Variants in TLL2 observed in about 807,000 individuals in gnomAD.
TLL2 encodes the protein tolloid like 2.
In TLL2, 106 loss-of-function variants were observed where a neutral mutation model predicts 123.0. That is an observed-to-expected ratio of 0.86 (90% CI 0.74 to 1.01). The LOEUF (loss-of-function observed/expected upper bound fraction) is 1.01, where lower values mean the gene tolerates loss of function less well. Ranked by LOEUF, TLL2 falls within the 50% of genes least tolerant of loss-of-function variation. TLL2 has a pLI of 0.00. For synonymous variants in TLL2, 494 were observed against 516.8 expected (o/e 0.96, Z 0.60); for missense variants, 1,332 against 1,336.7 (o/e 1.00, Z 0.06).
At chr10:96,429,279 T>G (rs1846711855) in intron 4 of TLL2, among the ~76,000 whole-genome samples, 1 of 151,928 alleles carries the variant, frequency 6.6e-6, no homozygotes, top group South Asian at 2.1e-4. Flanking sequence ...TTAATTTGAT[T>G]ATGGTGATCG....
intron 1 of TLL2, among the ~76,000 whole-genome samples, chr10:96,494,659 G>A (rs571789949): frequency 2.5e-4 from 38 of 152,304 alleles, no homozygotes; most frequent in African/African-American, 8.2e-4. Flanking sequence ...CTGTATCTTG[G>A]GACATGAAGC....
chr10:96,377,729 A>G (rs965851930), intron 17 of TLL2, among the ~76,000 whole-genome samples: 8 of 152,224 alleles, frequency 5.3e-5, no homozygotes, highest in Non-Finnish European at 8.8e-5. Flanking sequence ...GGGAGGAAAC[A>G]GCTTCGAGGA....
intron 3 of TLL2, among the ~76,000 whole-genome samples, chr10:96,444,638 C>T (rs1206192399): frequency 6.6e-6 from 1 of 151,860 alleles, no homozygotes; most frequent in African/African-American, 2.4e-5. Flanking sequence ...GCATGCATAA[C>T]CTGGGAAAGC....
intron 2 of TLL2, among the ~76,000 whole-genome samples, chr10:96,470,850 A>G (rs1293744235): frequency 1.3e-5 from 2 of 152,222 alleles, no homozygotes; most frequent in Non-Finnish European, 2.9e-5. Flanking sequence ...TCTATAAAGC[A>G]TTTAGCCCAT....
At chr10:96,506,582 C>T (rs1201015291) in intron 1 of TLL2, among the ~76,000 whole-genome samples, 1 of 151,568 alleles carries the variant, frequency 6.6e-6, no homozygotes, top group Non-Finnish European at 1.5e-5. Context: ...GGGTAGGAGG[C>T]TCCCCAAGGG....
intron 1 of TLL2, among the ~76,000 whole-genome samples, chr10:96,482,186 C>A (rs915787316): frequency 2.5e-4 from 37 of 150,280 alleles, no homozygotes; most frequent in Non-Finnish European, 5.3e-4. Flanking sequence ...TGAACCCGGG[C>A]GGCGGAGCTT....
intron 1 of TLL2, among the ~76,000 whole-genome samples, chr10:96,503,364 C>T (rs1447955139): frequency 1.3e-5 from 2 of 152,146 alleles, no homozygotes; most frequent in Admixed American, 1.3e-4. Flanking sequence ...TCATTTAATC[C>T]TCAAACAAGA....
rs2134087061 is a variant in TLL2, at chr10:96,445,722, T to G, written c.364+369A>C. 2.0e-5 allele frequency among the ~76,000 whole-genome samples: 3 copies of G among 152,310 alleles called. No homozygotes were observed. In the Middle Eastern group the frequency reaches 0.01, roughly 518 times the overall value. On this transcript the variant is annotated intron_variant, in intron 3 of 20. Coordinates refer to ENST00000357947, the MANE Select transcript of TLL2 (RefSeq NM_012465.4). The stretch of plus-strand genomic sequence containing the variant: ...AGCAGAGTTTATCTGAGAGCTATGC[T>G]GTTCCTGACCACCAAATGCCGCCCT...
At chr10:96,452,892 C>T (rs1440514892) in intron 2 of TLL2, among the ~76,000 whole-genome samples, 1 of 152,202 alleles carries the variant, frequency 6.6e-6, no homozygotes, top group African/African-American at 2.4e-5. Flanking sequence ...CAGGAATGAA[C>T]AAGGCAATCG....
rs1053677243 is a variant in TLL2, at chr10:96,420,375, G to C, written c.923+581C>G. Among the ~76,000 whole-genome samples the C allele has an allele frequency of 2.6e-5, 4 of 152,342 alleles. No homozygotes were observed. The South Asian group carries it at 8.3e-4, about 32-fold the overall frequency. ...ATCAGAACAGACCCTGCCCATGCCAGCCATAAATAAACGGCCCAGCCCTAC... is the reference window on the plus strand; with the variant it reads ...ATCAGAACAGACCCTGCCCATGCCACCCATAAATAAACGGCCCAGCCCTAC... On this transcript the variant is annotated intron_variant, in intron 7 of 20. Transcript: ENST00000357947.
intron 1 of TLL2, among the ~76,000 whole-genome samples, chr10:96,480,815 A>C (rs541062956): frequency 3.2e-4 from 48 of 152,364 alleles, no homozygotes; most frequent in East Asian, 2.1e-3. Context: ...GAAGAAAACG[A>C]ATAATGTGAT....
At chr10:96,391,409 T>C (rs1846286694) in intron 13 of TLL2, among the ~76,000 whole-genome samples, 1 of 152,170 alleles carries the variant, frequency 6.6e-6, no homozygotes, top group South Asian at 2.1e-4. Flanking sequence ...CCCTTTTGCC[T>C]ATACCTCTGT....
At chr10:96,371,719 TGG>T (rs941259386) in intron 19 of TLL2, among the ~76,000 whole-genome samples, 5 of 151,586 alleles carry the variant, frequency 3.3e-5, no homozygotes, top group African/African-American at 1.2e-4. Flanking sequence ...CCCACCTGCC[TGG>T]GCCCCGTGAG....
At chr10:96,392,123 C>T (rs1355550624) in intron 13 of TLL2, among the ~76,000 whole-genome samples, 3 of 152,116 alleles carry the variant, frequency 2.0e-5, no homozygotes, top group Non-Finnish European at 4.4e-5. Flanking sequence ...AACACATAGA[C>T]TGATGAATGT....
At chr10:96,442,427 G>A (rs549764468) in intron 3 of TLL2, among the ~76,000 whole-genome samples, 33 of 152,186 alleles carry the variant, frequency 2.2e-4, no homozygotes, top group South Asian at 1.0e-3. Flanking sequence ...CGCTGGCGCC[G>A]ACAGCATCCT....
intron 2 of TLL2, among the ~76,000 whole-genome samples, chr10:96,447,390 G>A (rs1846905868): frequency 6.6e-6 from 1 of 152,248 alleles, no homozygotes; most frequent in Non-Finnish European, 1.5e-5. Flanking sequence ...GACACAGGCA[G>A]ACAAAAGCAG....
At chr10:96,442,821 G>A (rs181682542) in intron 3 of TLL2, among the ~76,000 whole-genome samples, 50 of 152,326 alleles carry the variant, frequency 3.3e-4, no homozygotes, top group Non-Finnish European at 4.9e-4. Context: ...CCAGTCCAGA[G>A]GTAGATGATG....
At chr10:96,387,230 C>T (rs1258435962) in intron 13 of TLL2, 152 bp from the exon 14 acceptor site, 32 of 1,112,192 alleles carry the variant, frequency 2.9e-5, no homozygotes, top group South Asian at 1.5e-5. Flanking sequence ...ATGTCCACCT[C>T]TGAAAACCAG....
At chr10:96,422,417 CAG>C in intron 6 of TLL2, 130 bp downstream of exon 6, 3 of 1,106,016 alleles carry the variant, frequency 2.7e-6, no homozygotes, top group African/African-American at 1.5e-5. Context: ...GCCTGTACAA[CAG>C]AGTCATTGCT....
Sources: allele counts gnomAD v4.1 joint callset (sites outside exome capture counted in the v4.1 genomes callset), GRCh38; gene constraint gnomAD v4.1.1; transcripts MANE v1.5; gene names NCBI Gene and HGNC (gene_info 2026-07-23, HGNC 2026-07-21).